RIT2: variants seen among roughly 807,000 people sequenced by gnomAD.
RIT2 encodes the protein Ras like without CAAX 2.
Under a neutral mutation model 23.7 loss-of-function variants are expected in RIT2, and 24 were observed. The ratio of observed to expected loss-of-function variants is 1.01; its 90% CI spans 0.73 to 1.43. The LOEUF is 1.43. RIT2 is among the 40% of genes most tolerant of loss of function. The pLI is 0.00. For missense variants in RIT2, 236 were observed against 266.9 expected (o/e 0.88, Z 0.81); for synonymous variants, 107 against 91.1 (o/e 1.17, Z -0.99).
chr18:42,876,714 ATAAG>A (rs1332796618), intron 4 of RIT2, among the ~76,000 whole-genome samples: 2 of 151,558 alleles, frequency 1.3e-5, no homozygotes, highest in Non-Finnish European at 3.0e-5. Context: ...TTTTTTTCTA[ATAAG>A]TAATAGCCAA....
chr18:42,882,535 T>C (rs1907922079), intron 4 of RIT2, among the ~76,000 whole-genome samples: 1 of 152,146 alleles, frequency 6.6e-6, no homozygotes, highest in African/African-American at 2.4e-5. Flanking sequence ...AATCTACTGG[T>C]TAGCTGGTGA....
chr18:43,007,239 T>C (rs990400512), intron 2 of RIT2, among the ~76,000 whole-genome samples: 1 of 151,756 alleles, frequency 6.6e-6, no homozygotes, highest in African/African-American at 2.4e-5. Flanking sequence ...TATATTTATA[T>C]GTAGAATTAA....
At chr18:43,058,963 C>G (rs1161689937) in intron 1 of RIT2, among the ~76,000 whole-genome samples, 1 of 151,934 alleles carries the variant, frequency 6.6e-6, no homozygotes. Context: ...TCCCTGTCTC[C>G]TGCTCCTCAG....
chr18:42,767,531 T>C (rs1284495630), intron 4 of RIT2, among the ~76,000 whole-genome samples: 1 of 152,202 alleles, frequency 6.6e-6, no homozygotes, highest in Non-Finnish European at 1.5e-5. Flanking sequence ...AGGCTGAAGG[T>C]ACTTGCCTTG....
intron 4 of RIT2, among the ~76,000 whole-genome samples, chr18:42,871,094 G>T (rs1056194159): frequency 6.6e-6 from 1 of 152,156 alleles, no homozygotes; most frequent in African/African-American, 2.4e-5. Flanking sequence ...GCTAACTCAT[G>T]TTGAGATATT....
intron 2 of RIT2, among the ~76,000 whole-genome samples, chr18:43,013,275 T>A (rs1441802927): frequency 1.3e-5 from 2 of 151,868 alleles, no homozygotes; most frequent in African/African-American, 4.8e-5. Flanking sequence ...CACAATGGTT[T>A]ATTTTTTTTA....
chr18:42,817,292 C>T (rs1906026383), intron 4 of RIT2, among the ~76,000 whole-genome samples: 1 of 152,004 alleles, frequency 6.6e-6, no homozygotes. Flanking sequence ...AAAGGTTTCA[C>T]AGAATGTAAG....
intron 3 of RIT2, among the ~76,000 whole-genome samples, chr18:42,945,035 C>T (rs1211218463): frequency 1.3e-5 from 2 of 151,924 alleles, no homozygotes; most frequent in African/African-American, 4.8e-5. Flanking sequence ...AAAACTCAAA[C>T]ATTAGTTTTT....
intron 1 of RIT2, among the ~76,000 whole-genome samples, chr18:43,046,016 C>A (rs951581450): frequency 1.3e-5 from 2 of 151,962 alleles, no homozygotes; most frequent in African/African-American, 4.8e-5. Flanking sequence ...CTGTATTTTT[C>A]TTTTCACAAC....
intron 4 of RIT2, among the ~76,000 whole-genome samples, chr18:42,780,863 C>T (rs1913795504): frequency 6.7e-6 from 1 of 150,134 alleles, no homozygotes; most frequent in East Asian, 2.0e-4. Flanking sequence ...GTTGTCCAGT[C>T]AGTCTGTTGC....
In RIT2 at chr18:42,783,040, A is replaced by G. The variant is rs148200090; in HGVS notation, c.427-39320T>C. On this transcript the variant is annotated intron_variant, in intron 4 of 4. Coordinates refer to ENST00000326695, the MANE Select transcript of RIT2 (RefSeq NM_002930.4). ...CCAACCAGGATATTCCAGGAGCTCA[A>G]TTTGTACTACAAAGTCGATAGATGC... 8.7e-4 allele frequency among the ~76,000 whole-genome samples: 133 copies of G among 152,234 alleles called. 1 individual carries two copies. Among genetic ancestry groups the G allele is most frequent in the Admixed American group, 2.6e-3 (40 of 15,272 alleles).
chr18:42,907,267 C>G (rs74525121), intron 4 of RIT2, among the ~76,000 whole-genome samples: 4,348 of 152,040 alleles, frequency 0.029, 209 homozygotes, highest in East Asian at 0.16. Context: ...AAAGGGCACA[C>G]CAATGTTTGA....
intron 1 of RIT2, among the ~76,000 whole-genome samples, chr18:43,082,579 C>A (rs1412168582): frequency 6.6e-6 from 1 of 151,938 alleles, no homozygotes; most frequent in Non-Finnish European, 1.5e-5. Context: ...TCAATATATG[C>A]AAATAAATAA....
chr18:42,963,718 C>T (rs1347243340), intron 3 of RIT2, among the ~76,000 whole-genome samples: 1 of 152,004 alleles, frequency 6.6e-6, no homozygotes, highest in African/African-American at 2.4e-5. Context: ...CATGGTGAAA[C>T]CCCATTTCTA....
intron 4 of RIT2, among the ~76,000 whole-genome samples, chr18:42,876,791 C>T (rs1229783192): frequency 1.3e-5 from 2 of 151,666 alleles, no homozygotes; most frequent in Non-Finnish European, 2.9e-5. Flanking sequence ...CCTATAGGTA[C>T]ATTTAATTCT....
intron 4 of RIT2, among the ~76,000 whole-genome samples, chr18:42,759,749 ACAC>A: frequency 7.4e-6 from 1 of 134,310 alleles, no homozygotes; most frequent in South Asian, 2.5e-4. Flanking sequence ...ACACACACAC[ACAC>A]ACATACGGAT....
chr18:43,058,180 T>G (rs1912555346), intron 1 of RIT2, among the ~76,000 whole-genome samples: 1 of 152,136 alleles, frequency 6.6e-6, no homozygotes, highest in Non-Finnish European at 1.5e-5. Context: ...GTAATGTTGA[T>G]GTGTCCTTTT....
At chr18:42,877,670 A>C (rs766628248) in intron 4 of RIT2, among the ~76,000 whole-genome samples, 2 of 151,690 alleles carry the variant, frequency 1.3e-5, no homozygotes, top group Non-Finnish European at 3.0e-5. Flanking sequence ...GGAAATCTGA[A>C]ATCTGAAATA....
chr18:42,770,358 C>T (rs1913522771), intron 4 of RIT2, among the ~76,000 whole-genome samples: 1 of 152,154 alleles, frequency 6.6e-6, no homozygotes, highest in African/African-American at 2.4e-5. Flanking sequence ...ATGTGCCCCT[C>T]CATAGACTAC....
Sources: allele counts gnomAD v4.1 joint callset (sites outside exome capture counted in the v4.1 genomes callset), GRCh38; gene constraint gnomAD v4.1.1; transcripts MANE v1.5; gene names NCBI Gene and HGNC (gene_info 2026-07-23, HGNC 2026-07-21).